Variants in SP100 observed in about 807,000 individuals in gnomAD.
SP100 encodes the protein SP100 nuclear body protein, also known as nuclear autoantigen Sp-100.
SP100 carries 84 observed loss-of-function variants against 130.0 expected under a neutral mutation model. The ratio of observed to expected loss-of-function variants is 0.65; its 90% confidence interval spans 0.54 to 0.77. The LOEUF is 0.77. SP100 is among the 30% of genes least tolerant of loss of function. The pLI is 0.00. For synonymous variants in SP100, 331 were observed against 351.7 expected (o/e 0.94, Z 0.66); for missense variants, 978 against 1,052.2 (o/e 0.93, Z 0.97).
chr2:230,503,128 A>T lies in SP100; in HGVS notation c.1765+18A>T. The stretch of plus-strand genomic sequence containing the variant: ...AAAAAGAGGTAAATAGAAGTGATCG[A>T]TATGTTTTTCATAATTAAACATTTA... On this transcript the variant is annotated intron_variant, in intron 20 of 28. Coordinates refer to ENST00000340126, the MANE Select transcript of SP100 (RefSeq NM_001080391.2). 6.5e-7 allele frequency: 1 copy of T among 1,547,602 alleles called. No homozygotes were observed. Among genetic ancestry groups the T allele is most frequent in the African/African-American group, 1.4e-5 (1 of 73,162 alleles).
intron 2 of SP100, among the ~76,000 whole-genome samples, chr2:230,440,848 G>A (rs193147246): frequency 2.3e-3 from 343 of 152,102 alleles, no homozygotes; most frequent in Non-Finnish European, 4.2e-3. Flanking sequence ...AGCATAGAAA[G>A]TACATATATA....
chr2:230,462,037 A>C (rs936322740), intron 9 of SP100, among the ~76,000 whole-genome samples: 3 of 152,086 alleles, frequency 2.0e-5, no homozygotes, highest in Non-Finnish European at 4.4e-5. Context: ...TCAGAGAGCC[A>C]AGATATTCAC....
Position 230,543,791 on chromosome 2 carries a change from A to G in SP100, c.*845A>G, listed in dbSNP as rs1292304163. 1 of 152,254 alleles carries G rather than the reference A, an allele frequency of 6.6e-6. No homozygotes were observed. The highest frequency in any genetic ancestry group is 6.5e-5 in the Admixed American group (1 of 15,282). The allele number at this position is 152,254 out of a possible 1,614,324, so 9.4% of individuals were successfully genotyped here. ...TCAAACCACCAATGACATTCTTCAC[A>G]GAACTAGATAAAACTATTTTAAAAT... On this transcript the variant is annotated 3_prime_UTR_variant, in exon 29 of 29. Transcript: ENST00000340126.
intron 13 of SP100, chr2:230,468,817 C>CAAA (rs10617635): frequency 0.15 from 22,338 of 146,760 alleles, 2,737 homozygotes; most frequent in African/African-American, 0.18. Flanking sequence ...GACCCTGTCT[C>CAAA]AAAAAAAAAA....
intron 15 of SP100, 93 bp downstream of exon 15, chr2:230,470,191 C>A (rs1042635555): frequency 6.7e-7 from 1 of 1,499,180 alleles, no homozygotes; most frequent in Non-Finnish European, 8.9e-7. Context: ...ATTCTGAGCA[C>A]CTTCACTACC....
chr2:230,482,892 A>C (rs186245865), intron 17 of SP100, among the ~76,000 whole-genome samples: 122 of 152,256 alleles, frequency 8.0e-4, no homozygotes, highest in African/African-American at 2.8e-3. Flanking sequence ...TCATTCTTAT[A>C]ACTTTTAATA....
chr2:230,475,805 A>G (rs2065513817), intron 17 of SP100, among the ~76,000 whole-genome samples: 2 of 152,038 alleles, frequency 1.3e-5, no homozygotes, highest in Admixed American at 1.3e-4. Flanking sequence ...TCCATTTCCC[A>G]TTGCTTATTT....
intron 24 of SP100, among the ~76,000 whole-genome samples, chr2:230,513,337 G>A (rs761830416): frequency 6.6e-6 from 1 of 152,138 alleles, no homozygotes; most frequent in Non-Finnish European, 1.5e-5. Context: ...GTCCTTTTCA[G>A]GGTCACTGGG....
chr2:230,518,892 C>T (rs551486389), intron 24 of SP100, among the ~76,000 whole-genome samples: 3 of 152,198 alleles, frequency 2.0e-5, no homozygotes, highest in Non-Finnish European at 2.9e-5. Context: ...GTCATGTGAA[C>T]TTAGATGTTT....
chr2:230,449,766 G>T, intron 7 of SP100, 56 bp downstream of exon 7: 1 of 1,585,636 alleles, frequency 6.3e-7, no homozygotes, highest in Non-Finnish European at 8.6e-7. Flanking sequence ...CTGGCTGGTG[G>T]CAGAGGAAGA....
intron 24 of SP100, among the ~76,000 whole-genome samples, chr2:230,522,649 C>T (rs1237931627): frequency 6.6e-6 from 1 of 151,160 alleles, no homozygotes; most frequent in African/African-American, 2.4e-5. Flanking sequence ...CCACCACGCC[C>T]AGCTAATTTT....
chr2:230,444,385 C>A, intron 4 of SP100, 39 bp downstream of exon 4: 1 of 1,518,560 alleles, frequency 6.6e-7, no homozygotes, highest in South Asian at 1.1e-5. Flanking sequence ...TTTCCAGGGC[C>A]AAGTTTTTTC....
chr2:230,526,227 T>C (rs1691419458), intron 24 of SP100, among the ~76,000 whole-genome samples: 1 of 152,098 alleles, frequency 6.6e-6, no homozygotes. Context: ...CAGGCAGCAA[T>C]ATTTGCTGTT....
intron 24 of SP100, among the ~76,000 whole-genome samples, chr2:230,511,435 A>G (rs1407244762): frequency 6.6e-6 from 1 of 152,234 alleles, no homozygotes; most frequent in Non-Finnish European, 1.5e-5. Context: ...CGAGGCCTCC[A>G]GAGACAAGAA....
At chr2:230,512,384 G>T (rs1690663725) in intron 24 of SP100, among the ~76,000 whole-genome samples, 1 of 140,322 alleles carries the variant, frequency 7.1e-6, no homozygotes, top group African/African-American at 2.7e-5. Context: ...CTACCTGCTG[G>T]ATTCAGGCAA....
chr2:230,528,466 G>A (rs2150105273), intron 24 of SP100, among the ~76,000 whole-genome samples: 1 of 152,296 alleles, frequency 6.6e-6, no homozygotes, highest in East Asian at 1.9e-4. Context: ...ATGCCCACAA[G>A]AGAAAGCAGG....
intron 2 of SP100, among the ~76,000 whole-genome samples, chr2:230,432,809 A>G (rs973440713): frequency 6.6e-6 from 1 of 152,054 alleles, no homozygotes; most frequent in Non-Finnish European, 1.5e-5. Context: ...CTTTCTCTTT[A>G]TGGTATATTT....
chr2:230,481,191 G>A (rs771941892), intron 17 of SP100, among the ~76,000 whole-genome samples: 14 of 152,220 alleles, frequency 9.2e-5, no homozygotes, highest in Non-Finnish European at 1.8e-4. Context: ...TTATCAATAT[G>A]TGAATGACTA....
Position 230,467,263 on chromosome 2 carries a change from T to C in SP100, c.1291+48T>C, listed in dbSNP as rs906127875. ...CAGGGCTCTGACTTCAGAGCACCTC[T>C]TCCCTGATGCACTGTGCTCTGAGCA... On this transcript the variant is annotated intron_variant, in intron 13 of 28. Transcript: ENST00000340126. 5 of 1,292,178 alleles carry C rather than the reference T, an allele frequency of 3.9e-6. No individual in the cohort carries two copies. The Admixed American group carries it at 6.7e-5, about 17-fold the overall frequency. 80.0% of individuals were successfully genotyped at this position (1,292,178 alleles called of 1,614,324 possible). A position where few individuals can be genotyped will look rare whatever the true frequency, so the allele number is the denominator to read the frequency against.
Sources: allele counts gnomAD v4.1 joint callset (sites outside exome capture counted in the v4.1 genomes callset), GRCh38; gene constraint gnomAD v4.1.1; transcripts MANE v1.5; gene names NCBI Gene and HGNC (gene_info 2026-07-23, HGNC 2026-07-21).